Variants in ATP8A2 observed in about 807,000 individuals in gnomAD.
ATP8A2 encodes the protein ATPase phospholipid transporting 8A2.
A neutral mutation model predicts 165.6 loss-of-function variants in ATP8A2; 100 were observed. The ratio of observed to expected loss-of-function variants is 0.60; its 90% CI spans 0.51 to 0.71. The LOEUF (loss-of-function observed/expected upper bound fraction) is 0.71, where lower values mean the gene tolerates loss of function less well. Among genes scored for constraint, ATP8A2 ranks in the 30% least tolerant of loss-of-function variants. The pLI is 0.00. For missense variants in ATP8A2, 1,227 were observed against 1,479.5 expected, an observed-to-expected ratio of 0.83 and a Z score of 2.80; for synonymous variants, 543 against 548.8, an observed-to-expected ratio of 0.99 and a Z score of 0.15.
At chr13:25,737,723 C>T (rs1299086569) in intron 25 of ATP8A2, among the ~76,000 whole-genome samples, 3 of 152,140 alleles carry the variant, frequency 2.0e-5, no homozygotes, top group Admixed American at 6.5e-5. Flanking sequence ...CACTCTGTCG[C>T]CCAGGCTGGA....
intron 25 of ATP8A2, among the ~76,000 whole-genome samples, chr13:25,755,872 A>C (rs2044250209): frequency 1.3e-5 from 2 of 152,068 alleles, no homozygotes; most frequent in Admixed American, 6.6e-5. Flanking sequence ...ACACCACTGC[A>C]CTCCAACCCC....
At chr13:26,014,725 G>A (rs908345215) in intron 36 of ATP8A2, among the ~76,000 whole-genome samples, 5 of 152,120 alleles carry the variant, frequency 3.3e-5, no homozygotes, top group African/African-American at 1.2e-4. Context: ...AAGATAAAGT[G>A]TCTATATAGG....
At chr13:25,875,830 G>A (rs1234390704) in intron 33 of ATP8A2, among the ~76,000 whole-genome samples, 1 of 152,178 alleles carries the variant, frequency 6.6e-6, no homozygotes, top group South Asian at 2.1e-4. Flanking sequence ...TAAAGGAGAG[G>A]CATAAATGAA....
chr13:25,705,143 T>A (rs1004516183), intron 25 of ATP8A2: 3 of 432,228 alleles, frequency 6.9e-6, no homozygotes, highest in African/African-American at 4.1e-5. Context: ...CCCTTTCTCA[T>A]TTTCCCTTTT....
chr13:25,883,073 A>G (rs1211678250), intron 33 of ATP8A2, among the ~76,000 whole-genome samples: 2 of 152,088 alleles, frequency 1.3e-5, no homozygotes, highest in Non-Finnish European at 2.9e-5. Flanking sequence ...GTCCTAGTGA[A>G]GTTAACAGCC....
At chr13:25,495,003 C>T (rs2036631225) in intron 2 of ATP8A2, among the ~76,000 whole-genome samples, 1 of 152,208 alleles carries the variant, frequency 6.6e-6, no homozygotes, top group Admixed American at 6.5e-5. Context: ...CTTAAACTGT[C>T]TGAATTAGGT....
At chr13:25,494,628 G>A (rs1259340622) in intron 2 of ATP8A2, among the ~76,000 whole-genome samples, 1 of 152,186 alleles carries the variant, frequency 6.6e-6, no homozygotes, top group Non-Finnish European at 1.5e-5. Flanking sequence ...GAAGCGCGTT[G>A]CTGTTGTTCT....
In ATP8A2 at chr13:25,902,570, T is replaced by TA. The variant is rs35024483; in HGVS notation, c.3183+40175dup. 8.6e-3 allele frequency among the ~76,000 whole-genome samples: 1,228 copies of TA among 143,368 alleles called. 13 individuals carry two copies. The highest frequency in any genetic ancestry group is 0.037 in the East Asian group (179 of 4,900). The allele number at this position is 143,368 out of a possible 152,430, so 94.1% of individuals were successfully genotyped here. On this transcript the variant is annotated intron_variant, in intron 33 of 36. Transcript: ENST00000381655. ...TCACATTATAGCAACAACATCAATT[T>TA]AAAAAAAAAAAAACAAAAAAGAATT...
chr13:25,945,439 A>T (rs978336762), intron 33 of ATP8A2, among the ~76,000 whole-genome samples: 20 of 152,242 alleles, frequency 1.3e-4, no homozygotes, highest in African/African-American at 4.3e-4. Flanking sequence ...TCAACATTAA[A>T]ATTAGAAAGC....
intron 1 of ATP8A2, among the ~76,000 whole-genome samples, chr13:25,375,053 T>A (rs985401397): frequency 6.6e-6 from 1 of 152,196 alleles, no homozygotes; most frequent in Admixed American, 6.5e-5. Context: ...CAGTTTTAGC[T>A]TTCCCCAAAT....
chr13:25,918,575 C>A (rs1472981068), intron 33 of ATP8A2, among the ~76,000 whole-genome samples: 2 of 152,078 alleles, frequency 1.3e-5, no homozygotes, highest in Non-Finnish European at 2.9e-5. Flanking sequence ...GAATAAGCAG[C>A]AGTTTATGTT....
At chr13:25,704,843 A>G (rs2043022985) in intron 25 of ATP8A2, among the ~76,000 whole-genome samples, 1 of 152,206 alleles carries the variant, frequency 6.6e-6, no homozygotes, top group Admixed American at 6.5e-5. Flanking sequence ...TAGGAGTGGA[A>G]GAGATAGCAT....
intron 24 of ATP8A2, among the ~76,000 whole-genome samples, chr13:25,681,534 G>T (rs925172930): frequency 6.6e-6 from 1 of 152,108 alleles, no homozygotes; most frequent in Non-Finnish European, 1.5e-5. Context: ...TTCAGTCCAC[G>T]CAGGGAAACG....
At chr13:25,604,999 C>T (rs766453798) in intron 24 of ATP8A2, among the ~76,000 whole-genome samples, 6 of 152,152 alleles carry the variant, frequency 3.9e-5, no homozygotes, top group Non-Finnish European at 7.3e-5. Context: ...TGAAGAAAAT[C>T]AGTAATTACA....
chr13:25,699,639 C>CT (rs2042910153), intron 25 of ATP8A2, among the ~76,000 whole-genome samples: 1 of 152,128 alleles, frequency 6.6e-6, no homozygotes, highest in African/African-American at 2.4e-5. Flanking sequence ...CCTCAAGCCC[C>CT]TTTGAGAAAT....
At chr13:25,990,259 T>C (rs1165658164) in intron 35 of ATP8A2, among the ~76,000 whole-genome samples, 1 of 78,168 alleles carries the variant, frequency 1.3e-5, no homozygotes, top group African/African-American at 5.1e-5. Flanking sequence ...AGCATGTAAC[T>C]GTAAAAAAAA....
At chr13:25,997,198 G>C (rs1028604875) in intron 35 of ATP8A2, among the ~76,000 whole-genome samples, 15 of 152,196 alleles carry the variant, frequency 9.9e-5, no homozygotes, top group Admixed American at 9.8e-4. Context: ...CCATTCAAGA[G>C]ATTTCTTTTT....
chr13:25,897,392 C>G (rs1156264901), intron 33 of ATP8A2, among the ~76,000 whole-genome samples: 5 of 152,122 alleles, frequency 3.3e-5, no homozygotes, highest in Admixed American at 3.3e-4. Flanking sequence ...GAGTTTCTGC[C>G]GAGACATCAG....
At chr13:25,647,907 T>A (rs1042762501) in intron 24 of ATP8A2, among the ~76,000 whole-genome samples, 14 of 152,094 alleles carry the variant, frequency 9.2e-5, no homozygotes, top group Non-Finnish European at 1.5e-5. Context: ...CAGGCTGGTC[T>A]CAAACTCCTG....
Sources: gnomAD v4.1 joint callset for allele counts (sites outside exome capture counted in the v4.1 genomes callset) on GRCh38, gnomAD v4.1.1 for gene constraint, MANE v1.5 for transcripts, NCBI Gene and HGNC (gene_info 2026-07-23, HGNC 2026-07-21) for gene names.